The following ZNF141 variants were observed in gnomAD, a reference collection of about 807,000 sequenced individuals.
ZNF141 encodes zinc finger protein 141.
Under a neutral mutation model 11.3 loss-of-function variants are expected in ZNF141, and 7 were observed. That is an observed-to-expected ratio of 0.62 (90% CI 0.35 to 1.16). The LOEUF (loss-of-function observed/expected upper bound fraction) is 1.16. ZNF141 is among the 50% of genes most tolerant of loss of function. ZNF141 has a pLI of 0.02. For synonymous variants in ZNF141, 183 were observed against 190.7 expected, an observed-to-expected ratio of 0.96 and a Z score of 0.33; for missense variants, 535 against 554.0, an observed-to-expected ratio of 0.97 and a Z score of 0.34.
rs1378096703 is a variant in ZNF141, at chr4:342,497, C to T, written c.4-1285C>T. On this transcript the variant is annotated intron_variant, in intron 1 of 3. Transcript: ENST00000240499. ...ACTATAATGGGTCTAGAGGGAGGAG[C>T]GTCAGCATTAACAGGAGACTTGCTG... Among the ~76,000 whole-genome samples, 3 of 152,264 alleles carry T rather than the reference C, an allele frequency of 2.0e-5. No homozygotes were observed. The East Asian group carries it at 5.8e-4, about 29-fold the overall frequency.
intron 3 of ZNF141, among the ~76,000 whole-genome samples, chr4:365,089 T>A (rs1302130714): frequency 6.6e-6 from 1 of 152,166 alleles, no homozygotes; most frequent in South Asian, 2.1e-4. Flanking sequence ...AATCTCAGAC[T>A]GCTGTGCTAG....
rs566397126 is a variant in ZNF141 at position 376,461 on chromosome 4, C to T, written c.*2599C>T. Among the ~76,000 whole-genome samples the T allele has an allele frequency of 6.6e-6, 1 of 152,044 alleles. No homozygotes were observed. Among genetic ancestry groups the T allele is most frequent in the South Asian group, 2.1e-4 (1 of 4,820 alleles). On this transcript the variant is annotated 3_prime_UTR_variant, in exon 4 of 4. Coordinates refer to ENST00000240499, the MANE Select transcript of ZNF141 (RefSeq NM_003441.4). ...TTCATCCTTTGTATTACACACAATC[C>T]AATTATACACTTTAATTATTTCTAA...
At chr4:340,548 A>G (rs1553848267) in intron 1 of ZNF141, among the ~76,000 whole-genome samples, 2 of 152,318 alleles carry the variant, frequency 1.3e-5, no homozygotes, top group South Asian at 2.1e-4. Context: ...CCAAATGCCC[A>G]CAAATGTGCT....
At chr4:359,865 C>T (rs1230685869) in intron 3 of ZNF141, among the ~76,000 whole-genome samples, 2 of 152,158 alleles carry the variant, frequency 1.3e-5, no homozygotes, top group African/African-American at 4.8e-5. Context: ...ATTTCTTCCA[C>T]ATCATGACTG....
chr4:349,359 A>T (rs531769114), intron 3 of ZNF141, among the ~76,000 whole-genome samples: 2 of 152,086 alleles, frequency 1.3e-5, no homozygotes, highest in South Asian at 4.1e-4. Flanking sequence ...AATTTTTCTT[A>T]TTTTACTCTA....
Position 373,151 on chromosome 4 carries a change from A to C in ZNF141, c.714A>C (p.Thr238=). The C allele has an allele frequency of 1.9e-6, 3 of 1,613,870 alleles. No individual in the cohort carries two copies. In the East Asian group the frequency reaches 6.7e-5, roughly 36 times the overall value. The change falls in exon 4 of 4, where the codon ACA becomes ACC. Residue 238 remains threonine, a synonymous_variant. Transcript: ENST00000240499. ...TCEECGSIFT[T]SSHFAKHKII... ...AAGAATGTGGCAGCATCTTTACCAC[A>C]TCCTCACACTTTGCTAAGCATAAAA...
intron 3 of ZNF141, among the ~76,000 whole-genome samples, chr4:363,937 T>C (rs1711601979): frequency 6.6e-6 from 1 of 152,096 alleles, no homozygotes; most frequent in Non-Finnish European, 1.5e-5. Context: ...TTTCTGCATC[T>C]ATTGAGACAA....
rs1553848950 is a variant in ZNF141, at chr4:343,842, G to A, written c.64G>A (p.Asp22Asn). Residue 22 changes from aspartate to asparagine, a missense_variant, in exon 2 of 4, where the codon GAC (aspartate) becomes AAC (asparagine). By Grantham distance (23) the Asp-to-Asn change is conservative. Transcript: ENST00000240499. ...CTCTCCAGAAGAGTGGAAATGCCTGGACCCTGACCAGCAGAATTTGTATAG... is the reference window on the plus strand; with the variant it reads ...CTCTCCAGAAGAGTGGAAATGCCTGAACCCTGACCAGCAGAATTTGTATAG... Reference protein sequence around the residue: ...EFSPEEWKCLDPDQQNLYRDV... With the variant: ...EFSPEEWKCLNPDQQNLYRDV... 6.8e-6 allele frequency: 11 copies of A among 1,611,002 alleles called. No homozygotes were observed. The highest frequency in any genetic ancestry group is 9.3e-6 in the Non-Finnish European group (11 of 1,179,348).
chr4:384,133 A>G lies in ZNF141; in HGVS notation c.*10271A>G, dbSNP rs1311632923. The G allele has an allele frequency of 6.6e-6, 1 of 152,256 alleles. No individual in the cohort carries two copies. Among genetic ancestry groups the G allele is most frequent in the Non-Finnish European group, 1.5e-5 (1 of 68,056 alleles). 9.4% of individuals were successfully genotyped at this position (152,256 alleles called of 1,614,324 possible). On this transcript the variant is annotated 3_prime_UTR_variant, in exon 4 of 4. Transcript: ENST00000240499. ...TACTTAAACTCACACAGTGCCCCATACCACAGGAGAAAAACACACAGTTCC... is the reference window on the plus strand; with the variant it reads ...TACTTAAACTCACACAGTGCCCCATGCCACAGGAGAAAAACACACAGTTCC...
chr4:356,580 G>A (rs1721851086), intron 3 of ZNF141, among the ~76,000 whole-genome samples: 1 of 152,022 alleles, frequency 6.6e-6, no homozygotes, highest in Non-Finnish European at 1.5e-5. Context: ...CCAAAGTGCT[G>A]GAATTAGAGG....
chr4:347,018 TATG>T (rs1195648235), intron 3 of ZNF141, among the ~76,000 whole-genome samples: 1 of 150,982 alleles, frequency 6.6e-6, no homozygotes, highest in Admixed American at 6.6e-5. Context: ...TGCTGGATTA[TATG>T]ATACTTCTAG....
At position 379,160 on chromosome 4, in the gene ZNF141, G is replaced by A. The variant is rs992103029; in HGVS notation, c.*5298G>A. 6.6e-6 allele frequency among the ~76,000 whole-genome samples: 1 copy of A among 151,310 alleles called. No homozygotes were observed. The highest frequency in any genetic ancestry group is 1.5e-5 in the Non-Finnish European group (1 of 67,760). ...GCCCAGCCTCTCAGTGATTTTTGAT[G>A]CAAATTCATTTACTGTGTTCACGAA... is the stretch of plus-strand genomic sequence containing the variant. On this transcript the variant is annotated 3_prime_UTR_variant, in exon 4 of 4. Coordinates refer to ENST00000240499, the MANE Select transcript of ZNF141 (RefSeq NM_003441.4).
At chr4:344,790 C>G (rs572674854) in intron 3 of ZNF141, among the ~76,000 whole-genome samples, 1 of 152,202 alleles carries the variant, frequency 6.6e-6, no homozygotes, top group African/African-American at 2.4e-5. Context: ...TAGACTCCGT[C>G]TCAAAAAATA....
rs561714997 is a variant in ZNF141 at position 378,629 on chromosome 4, A to C, written c.*4767A>C. ...GGAAAAACAATAGAATGATCTCTGT[A>C]GATTCAAAATCTGCACTGATCTTTT... On this transcript the variant is annotated 3_prime_UTR_variant, in exon 4 of 4. Coordinates refer to ENST00000240499, the MANE Select transcript of ZNF141 (RefSeq NM_003441.4). Among the ~76,000 whole-genome samples, 4 of 152,210 alleles carry C rather than the reference A, an allele frequency of 2.6e-5. No individual in the cohort carries two copies. Among genetic ancestry groups the C allele is most frequent in the Non-Finnish European group, 5.9e-5 (4 of 68,002 alleles).
At chr4:352,678 A>T (rs948662238) in intron 3 of ZNF141, among the ~76,000 whole-genome samples, 1 of 152,196 alleles carries the variant, frequency 6.6e-6, no homozygotes, top group Admixed American at 6.5e-5. Context: ...GACCTTAGTC[A>T]TAGCTATTTA....
In ZNF141 at chr4:381,400, C is replaced by CTTTTTT. The variant is rs34721227; in HGVS notation, c.*7559_*7564dup. 1.7e-4 allele frequency among the ~76,000 whole-genome samples: 13 copies of CTTTTTT among 76,936 alleles called. 1 individual carries two copies. The highest frequency in any genetic ancestry group is 6.7e-4 in the African/African-American group (11 of 16,424). The allele number at this position is 76,936 out of a possible 152,430, so 50.5% of individuals were successfully genotyped here. A position where few individuals can be genotyped will look rare whatever the true frequency, so the allele number is the denominator to read the frequency against. ...CTATTTAATACAGACTTCAAATGTG[C>CTTTTTT]TTTTTTTTTTTTTTTTTTTTTTTTT... is the stretch of plus-strand genomic sequence containing the variant. On this transcript the variant is annotated 3_prime_UTR_variant, in exon 4 of 4. Coordinates refer to ENST00000240499, the MANE Select transcript of ZNF141 (RefSeq NM_003441.4).
intron 3 of ZNF141, among the ~76,000 whole-genome samples, chr4:370,813 C>T (rs1285869084): frequency 1.3e-5 from 2 of 152,076 alleles, no homozygotes; most frequent in Non-Finnish European, 2.9e-5. Flanking sequence ...TCACTGCAAG[C>T]TCCGCCTCCC....
At chr4:363,863 C>A (rs1487004364) in intron 3 of ZNF141, among the ~76,000 whole-genome samples, 3 of 151,856 alleles carry the variant, frequency 2.0e-5, no homozygotes, top group Admixed American at 2.0e-4. Flanking sequence ...GAGATACGTT[C>A]CATCAATACC....
chr4:364,045 T>C (rs753540341), intron 3 of ZNF141, among the ~76,000 whole-genome samples: 31 of 152,300 alleles, frequency 2.0e-4, no homozygotes, highest in South Asian at 1.2e-3. Context: ...TGAAGCCGAG[T>C]TGATCATGGT....
Sources: allele counts gnomAD v4.1 joint callset (sites outside exome capture counted in the v4.1 genomes callset), GRCh38; gene constraint gnomAD v4.1.1; transcripts MANE v1.5; gene names NCBI Gene and HGNC (gene_info 2026-07-23, HGNC 2026-07-21).